The following NFIB variants were observed in gnomAD, a reference collection of about 807,000 sequenced individuals.
NFIB encodes nuclear factor I B, also known as nuclear factor 1 B-type.
Under a neutral mutation model 61.5 loss-of-function variants are expected in NFIB, and 11 were observed. That is an observed-to-expected ratio of 0.18 (90% CI 0.11 to 0.30). NFIB has a LOEUF of 0.30. NFIB is among the 10% of genes least tolerant of loss of function. NFIB has a pLI of 1.00. For missense variants in NFIB, 471 were observed against 608.9 expected, an observed-to-expected ratio of 0.77 and a Z score of 2.38; for synonymous variants, 260 against 216.5, an observed-to-expected ratio of 1.20 and a Z score of -1.76.
intron 2 of NFIB, among the ~76,000 whole-genome samples, chr9:14,228,197 CTT>C (rs199731438): frequency 0.022 from 2,884 of 132,490 alleles, 37 homozygotes; most frequent in South Asian, 0.049. Flanking sequence ...CTTTATGATT[CTT>C]TTTTTTTTTT....
chr9:14,298,680 T>C (rs2059584293), intron 2 of NFIB, among the ~76,000 whole-genome samples: 1 of 152,092 alleles, frequency 6.6e-6, no homozygotes. Context: ...AAGGGCGGGC[T>C]TGGGCCTTTT....
chr9:14,475,417 G>C, the NFIB span, among the ~76,000 whole-genome samples: 2 of 152,166 alleles, frequency 1.3e-5, no homozygotes, highest in Non-Finnish European at 2.9e-5. Flanking sequence ...AGTAAGTGAG[G>C]AGAGCCTTCC....
At chr9:14,187,941 A>C (rs879090190) in intron 2 of NFIB, among the ~76,000 whole-genome samples, 1 of 152,182 alleles carries the variant, frequency 6.6e-6, no homozygotes, top group Non-Finnish European at 1.5e-5. Context: ...AAGTAGTACC[A>C]ACCCACCCCC....
chr9:14,251,596 T>C (rs545025210), intron 2 of NFIB, among the ~76,000 whole-genome samples: 1 of 152,204 alleles, frequency 6.6e-6, no homozygotes, highest in African/African-American at 2.4e-5. Flanking sequence ...GTGGTATCGG[T>C]GAACTAGGCA....
chr9:14,380,742 C>T (rs2061478338), intron 1 of NFIB, among the ~76,000 whole-genome samples: 1 of 152,084 alleles, frequency 6.6e-6, no homozygotes, highest in South Asian at 2.1e-4. Flanking sequence ...TACATGATCT[C>T]TCATCCACAC....
In NFIB at chr9:14,284,115, G is replaced by A. The variant is rs548597742; in HGVS notation, c.562+22874C>T. Among the ~76,000 whole-genome samples the A allele has an allele frequency of 1.4e-3, 206 of 152,266 alleles. 1 individual carries two copies. Among genetic ancestry groups the A allele is most frequent in the Middle Eastern group, 3.4e-3 (1 of 294 alleles). On this transcript the variant is annotated intron_variant, in intron 2 of 10. Coordinates refer to ENST00000380953, the MANE Select transcript of NFIB (RefSeq NM_001190737.2). ...CTGCCTCTTACTAGCTTTCGGATTG[G>A]AGAGTTATTCAAGATATTTAACCTC... is the stretch of plus-strand genomic sequence containing the variant.
chr9:14,114,765 A>G (rs1335003025), intron 9 of NFIB, among the ~76,000 whole-genome samples: 1 of 152,202 alleles, frequency 6.6e-6, no homozygotes, highest in Non-Finnish European at 1.5e-5. Flanking sequence ...CCACAAGAGT[A>G]GGCATCAGAG....
Position 14,131,017 on chromosome 9 carries a change from GA to G in NFIB, c.926-5252del, listed in dbSNP as rs371658816. ...TGCTCATGGTTTAGTAGAGAGGGCA[GA>G]AATTAAAGACAGAAATGCATTAAAT... On this transcript the variant is annotated intron_variant, in intron 6 of 10. Coordinates refer to ENST00000380953, the MANE Select transcript of NFIB (RefSeq NM_001190737.2). Among the ~76,000 whole-genome samples the G allele has an allele frequency of 1.9e-3, 294 of 152,094 alleles. 1 individual carries two copies. Among genetic ancestry groups the G allele is most frequent in the Non-Finnish European group, 3.2e-3 (219 of 67,988 alleles).
rs1587029713 is a variant in NFIB, at chr9:14,084,057, T to C, written c.*4252A>G. 1 of 209,720 alleles carries C rather than the reference T, an allele frequency of 4.8e-6. No homozygotes were observed. Among genetic ancestry groups the C allele is most frequent in the Non-Finnish European group, 9.7e-6 (1 of 103,072 alleles). The allele number at this position is 209,720 out of a possible 1,614,324, so 13.0% of individuals were successfully genotyped here. A position where few individuals can be genotyped will look rare whatever the true frequency, so the allele number is the denominator to read the frequency against. On this transcript the variant is annotated 3_prime_UTR_variant, in exon 11 of 11. Coordinates refer to ENST00000380953, the MANE Select transcript of NFIB (RefSeq NM_001190737.2). The stretch of plus-strand genomic sequence containing the variant: ...AATAACCTTCATAAAATATAACTTT[T>C]CTCCATTTACACTTTTTTAAAGGAT...
At chr9:14,461,540 G>C in the NFIB span, among the ~76,000 whole-genome samples, 1 of 152,104 alleles carries the variant, frequency 6.6e-6, no homozygotes, top group East Asian at 1.9e-4. Context: ...AAAATGTGTT[G>C]CTTCCCCTCC....
chr9:14,455,959 A>C, the NFIB span, among the ~76,000 whole-genome samples: 1 of 152,236 alleles, frequency 6.6e-6, no homozygotes, highest in Non-Finnish European at 1.5e-5. Flanking sequence ...TCGGAAAATT[A>C]GTGTCAAGAG....
intron 2 of NFIB, among the ~76,000 whole-genome samples, chr9:14,251,142 A>C (rs2055556332): frequency 1.3e-5 from 2 of 152,226 alleles, no homozygotes; most frequent in African/African-American, 2.4e-5. Context: ...TTTGAAACAT[A>C]CATACAAAGA....
intron 6 of NFIB, among the ~76,000 whole-genome samples, chr9:14,132,898 T>A (rs1205281983): frequency 1.3e-5 from 2 of 152,150 alleles, no homozygotes; most frequent in South Asian, 2.1e-4. Flanking sequence ...TTTCTTCATC[T>A]TCTTTTTTTG....
intron 1 of NFIB, among the ~76,000 whole-genome samples, chr9:14,332,330 C>CAA (rs5896627): frequency 0.014 from 1,555 of 107,702 alleles, 36 homozygotes; most frequent in East Asian, 0.072. Context: ...GAGACTCCGT[C>CAA]AAAAAAAAAA....
rs985743720 is a variant in NFIB, at chr9:14,386,871, G to C, written c.108+11653C>G. 3.9e-5 allele frequency among the ~76,000 whole-genome samples: 6 copies of C among 152,270 alleles called. No individual in the cohort carries two copies. In the South Asian group the frequency reaches 1.2e-3, roughly 32 times the overall value. On this transcript the variant is annotated intron_variant, in intron 1 of 8. Coordinates refer to the NFIB transcript ENST00000380934. ...TTATTAGGTGCTCCATAGCAAAGGA[G>C]GGTTCCACAGACAAATATGTTTAGA... is the stretch of plus-strand genomic sequence containing the variant.
At chr9:14,317,443 G>T (rs1588298239), upstream of NFIB, 1 of 152,344 alleles carries the variant, frequency 6.6e-6, no homozygotes, top group Non-Finnish European at 1.5e-5. Flanking sequence ...GGGTGCTTAT[G>T]GCTGGTTGCA....
intron 2 of NFIB, among the ~76,000 whole-genome samples, chr9:14,193,100 G>A (rs967584922): frequency 2.0e-5 from 3 of 150,936 alleles, no homozygotes; most frequent in African/African-American, 7.3e-5. Flanking sequence ...TTTTTGTAAT[G>A]CATACTGATA....
chr9:14,461,012 T>C, the NFIB span, among the ~76,000 whole-genome samples: 1 of 128,608 alleles, frequency 7.8e-6, no homozygotes, highest in African/African-American at 2.5e-5. Flanking sequence ...ATCGTACTTC[T>C]TTTCCCTTCC....
chr9:14,529,422 G>GTTA, the NFIB span, among the ~76,000 whole-genome samples: 1 of 152,120 alleles, frequency 6.6e-6, no homozygotes, highest in South Asian at 2.1e-4. Context: ...AGAGCCCAGA[G>GTTA]TTATTATAAA....
Sources: gnomAD v4.1 joint callset for allele counts (sites outside exome capture counted in the v4.1 genomes callset) on GRCh38, gnomAD v4.1.1 for gene constraint, MANE v1.5 for transcripts, NCBI Gene and HGNC (gene_info 2026-07-23, HGNC 2026-07-21) for gene names.